The following DNAH5 variants were observed in gnomAD, a reference collection of about 807,000 sequenced individuals.
DNAH5 encodes dynein axonemal heavy chain 5, also known as axonemal beta dynein heavy chain 5.
A neutral mutation model predicts 518.2 loss-of-function variants in DNAH5; 372 were observed. That is an observed-to-expected ratio of 0.72 (90% CI 0.66 to 0.78). The LOEUF is 0.78. DNAH5 is among the 30% of genes least tolerant of loss of function. The probability of loss-of-function intolerance (pLI) is 0.00; values close to 1 mark genes in which losing one functional copy is unlikely to be tolerated. For synonymous variants in DNAH5, 2,039 were observed against 2,025.9 expected, an observed-to-expected ratio of 1.01 and a Z score of -0.17; for missense variants, 5,523 against 5,687.0, an observed-to-expected ratio of 0.97 and a Z score of 0.93.
chr5:13,937,214 C>T (rs1352143894), intron 1 of DNAH5, among the ~76,000 whole-genome samples: 1 of 150,734 alleles, frequency 6.6e-6, no homozygotes, highest in East Asian at 1.9e-4. Flanking sequence ...TAACTTCAAA[C>T]TGATATTCCA....
intron 58 of DNAH5, among the ~76,000 whole-genome samples, chr5:13,767,471 A>G (rs1322853660): frequency 6.6e-6 from 1 of 152,184 alleles, no homozygotes; most frequent in African/African-American, 2.4e-5. Flanking sequence ...AGACAGCTGG[A>G]AGTTAGGGTG....
intron 1 of DNAH5, among the ~76,000 whole-genome samples, chr5:14,000,514 T>C (rs1350173816): frequency 6.6e-6 from 1 of 152,212 alleles, no homozygotes; most frequent in Non-Finnish European, 1.5e-5. Context: ...TTTTTAATGT[T>C]TGTTGGCTGC....
At chr5:13,741,465 G>A (rs1186141467) in intron 65 of DNAH5, among the ~76,000 whole-genome samples, 1 of 152,128 alleles carries the variant, frequency 6.6e-6, no homozygotes, top group Non-Finnish European at 1.5e-5. Flanking sequence ...ACAGATGAAA[G>A]CTCCCTTAGT....
At chr5:13,994,859 T>G (rs1783822872) in intron 1 of DNAH5, among the ~76,000 whole-genome samples, 1 of 152,188 alleles carries the variant, frequency 6.6e-6, no homozygotes, top group African/African-American at 2.4e-5. Flanking sequence ...GTTCGCCTGC[T>G]TAGGTTCACT....
chr5:13,780,725 C>A, intron 53 of DNAH5, 104 bp downstream of exon 53: 2 of 1,290,754 alleles, frequency 1.5e-6, no homozygotes, highest in Non-Finnish European at 2.2e-6. Context: ...AGGAAAATGA[C>A]TGTGACTCTT....
At chr5:13,827,892 C>T (rs1169734799) in intron 38 of DNAH5, among the ~76,000 whole-genome samples, 5 of 152,144 alleles carry the variant, frequency 3.3e-5, no homozygotes, top group Admixed American at 3.3e-4. Context: ...CCTCTTCACT[C>T]AACACTTCTC....
At chr5:13,796,812 T>C (rs192685932) in intron 47 of DNAH5, among the ~76,000 whole-genome samples, 14 of 152,246 alleles carry the variant, frequency 9.2e-5, no homozygotes, top group African/African-American at 2.4e-5. Flanking sequence ...ACTACAAGGC[T>C]ACAGTAACCA....
At chr5:13,974,362 C>T (rs916848197) in intron 1 of DNAH5, among the ~76,000 whole-genome samples, 2 of 152,072 alleles carry the variant, frequency 1.3e-5, no homozygotes, top group Admixed American at 6.5e-5. Flanking sequence ...TGGACTCAAG[C>T]AATCTGCCTG....
chr5:13,894,676 T>G lies in DNAH5; in HGVS notation c.2405A>C (p.Tyr802Ser), dbSNP rs756121636. ...GATCTTTGCAAAAGTGTTTTCTAAATAAGCCTCAATATTCAGTGATGTCCA... is the reference window on the plus strand; with the variant it reads ...GATCTTTGCAAAAGTGTTTTCTAAAGAAGCCTCAATATTCAGTGATGTCCA... ...LTWTSLNIEA[Y>S]LENTFAKIKD... is the part of the protein sequence containing the mutation. The change falls in exon 16 of 79, where the codon TAT (tyrosine) becomes TCT (serine). Residue 802 changes from tyrosine (Y) to serine (S), a missense_variant. Transcript: ENST00000265104. The G allele has an allele frequency of 3.7e-6, 6 of 1,614,084 alleles. No homozygotes were observed. Among genetic ancestry groups the G allele is most frequent in the Non-Finnish European group, 5.1e-6 (6 of 1,179,936 alleles).
intron 3 of DNAH5, 39 bp from the exon 4 acceptor site, chr5:13,923,479 T>C (rs747578338): frequency 6.2e-7 from 1 of 1,611,290 alleles, no homozygotes; most frequent in Non-Finnish European, 8.5e-7. Flanking sequence ...CAAATGCTTT[T>C]TGCAGTCCAT....
In DNAH5 at chr5:13,921,485, A is replaced by T. The variant is rs1376483080; in HGVS notation, c.660+622T>A. ...TGCTCTATCTCTCTCTCACACACAC[A>T]CACACACACACACACACACACACAC... On this transcript the variant is annotated intron_variant, in intron 5 of 78. Transcript: ENST00000265104. 9.4e-3 allele frequency among the ~76,000 whole-genome samples: 1,095 copies of T among 116,534 alleles called. 17 individuals are homozygous for T. Among genetic ancestry groups the T allele is most frequent in the South Asian group, 0.024 (100 of 4,186 alleles). 76.5% of individuals were successfully genotyped at this position (116,534 alleles called of 152,430 possible).
rs546765121 is a variant in DNAH5, at chr5:13,786,230, G to A, written c.8769C>T (p.Gly2923=). ...CAAAGAACACCATGTCCATGCCGGCGCCACGGATGCTCTCATTATAGAGCT... is the reference window on the plus strand; with the variant it reads ...CAAAGAACACCATGTCCATGCCGGCACCACGGATGCTCTCATTATAGAGCT... ...FLQLYNESIR[G]AGMDMVFFAD... Residue 2923 remains glycine (G), a synonymous_variant, in exon 52 of 79, where the codon GGC becomes GGT. Coordinates refer to ENST00000265104, the MANE Select transcript of DNAH5 (RefSeq NM_001369.3). 1.1e-5 allele frequency: 17 copies of A among 1,613,986 alleles called. No individual in the cohort carries two copies. The African/African-American group carries it at 1.1e-4, about 10-fold the overall frequency.
chr5:13,740,281 C>A (rs1390709890), intron 65 of DNAH5, among the ~76,000 whole-genome samples: 2 of 152,014 alleles, frequency 1.3e-5, no homozygotes, highest in African/African-American at 4.8e-5. Flanking sequence ...TCTCCCTACC[C>A]CAGCCTTACC....
In DNAH5 at chr5:14,004,025, G is replaced by A. The variant is rs111297380; in HGVS notation, c.12+7623C>T. ...AATCGGAAGAGAAAATACAATGATTGTTGCTATTTCAAGTCACTAACTTTG... is the reference window on the plus strand; with the variant it reads ...AATCGGAAGAGAAAATACAATGATTATTGCTATTTCAAGTCACTAACTTTG... On this transcript the variant is annotated intron_variant, in intron 1 of 78. Coordinates refer to the DNAH5 transcript ENST00000681290. 2.2e-3 allele frequency among the ~76,000 whole-genome samples: 332 copies of A among 152,338 alleles called. 2 individuals carry two copies. Among genetic ancestry groups the A allele is most frequent in the Non-Finnish European group, 3.7e-3 (251 of 68,034 alleles).
chr5:13,998,815 A>G (rs1464825541), intron 1 of DNAH5, among the ~76,000 whole-genome samples: 1 of 152,162 alleles, frequency 6.6e-6, no homozygotes, highest in East Asian at 1.9e-4. Context: ...CATGTTTTGA[A>G]TTGCACACAC....
intron 65 of DNAH5, among the ~76,000 whole-genome samples, chr5:13,748,593 A>T (rs138692112): frequency 0.021 from 3,146 of 152,226 alleles, 90 homozygotes; most frequent in African/African-American, 0.072. Context: ...GAGGTCCTTC[A>T]TATCCCTTGT....
At chr5:13,875,013 C>T (rs1457082387) in intron 22 of DNAH5, among the ~76,000 whole-genome samples, 1 of 152,180 alleles carries the variant, frequency 6.6e-6, no homozygotes, top group Non-Finnish European at 1.5e-5. Context: ...ATATCTAATA[C>T]TATGACTAAG....
chr5:13,932,404 G>A (rs1387608722), intron 1 of DNAH5: 2 of 152,170 alleles, frequency 1.3e-5, no homozygotes, highest in Admixed American at 1.3e-4. Flanking sequence ...CTGAAGCCTA[G>A]CATTGAAGGA....
intron 31 of DNAH5, 23 bp from the exon 32 acceptor site, chr5:13,845,016 A>C: frequency 6.2e-7 from 1 of 1,610,864 alleles, no homozygotes; most frequent in Non-Finnish European, 8.5e-7. Flanking sequence ...GAAAAACATA[A>C]ACCTTTATAA....
Sources: gnomAD v4.1 joint callset for allele counts (sites outside exome capture counted in the v4.1 genomes callset) on GRCh38, gnomAD v4.1.1 for gene constraint, MANE v1.5 for transcripts, NCBI Gene and HGNC (gene_info 2026-07-23, HGNC 2026-07-21) for gene names.